The following RNF180 variants were observed in gnomAD, a reference collection of about 807,000 sequenced individuals.
The protein encoded by RNF180 is E3 ubiquitin-protein ligase RNF180.
In RNF180, 38 loss-of-function variants were observed where a neutral mutation model predicts 59.2. The observed-to-expected ratio is 0.64, with a 90% CI of 0.50 to 0.84. RNF180 has a LOEUF of 0.84. Ranked by LOEUF, RNF180 falls within the 40% of genes least tolerant of loss-of-function variation. The pLI is 0.00. For missense variants in RNF180, 705 were observed against 700.9 expected (o/e 1.01, Z -0.07); for synonymous variants, 262 against 240.3 (o/e 1.09, Z -0.84).
At chr5:64,296,255 A>T (rs1273636994) in intron 5 of RNF180, among the ~76,000 whole-genome samples, 1 of 152,102 alleles carries the variant, frequency 6.6e-6, no homozygotes, top group South Asian at 2.1e-4. Flanking sequence ...TACTTGCTCC[A>T]CTGCTTTGTT....
chr5:64,225,286 G>A (rs1741611969), intron 5 of RNF180, among the ~76,000 whole-genome samples: 1 of 152,140 alleles, frequency 6.6e-6, no homozygotes. Context: ...CTGCACATTT[G>A]GCCCGGCCGC....
intron 5 of RNF180, among the ~76,000 whole-genome samples, chr5:64,232,904 A>G (rs1478148459): frequency 1.3e-5 from 2 of 152,226 alleles, no homozygotes; most frequent in African/African-American, 2.4e-5. Context: ...TCACCAAACT[A>G]GTAAGTGATG....
intron 1 of RNF180, among the ~76,000 whole-genome samples, chr5:64,173,994 G>T (rs1031192326): frequency 6.6e-6 from 1 of 152,102 alleles, no homozygotes; most frequent in African/African-American, 2.4e-5. Context: ...GATTACAGGC[G>T]TGAGCCACCA....
chr5:64,346,805 T>A (rs1017000184), intron 7 of RNF180, among the ~76,000 whole-genome samples: 1 of 152,160 alleles, frequency 6.6e-6, no homozygotes, highest in Non-Finnish European at 1.5e-5. Context: ...ATGATAACTA[T>A]GTGCATCCAA....
intron 5 of RNF180, among the ~76,000 whole-genome samples, chr5:64,253,262 C>T (rs1463908551): frequency 1.3e-5 from 2 of 152,026 alleles, no homozygotes; most frequent in African/African-American, 4.8e-5. Flanking sequence ...TTCTTAATTC[C>T]AAAAACTAAG....
chr5:64,303,935 T>C (rs1743299137), intron 5 of RNF180, among the ~76,000 whole-genome samples: 1 of 151,652 alleles, frequency 6.6e-6, no homozygotes, highest in Non-Finnish European at 1.5e-5. Flanking sequence ...ACTCTCTTGC[T>C]AGGGGCTAAT....
intron 7 of RNF180, among the ~76,000 whole-genome samples, chr5:64,357,068 G>T (rs1036676508): frequency 6.6e-6 from 1 of 151,806 alleles, no homozygotes; most frequent in African/African-American, 2.4e-5. Flanking sequence ...ACAAAAAAAT[G>T]TGTAATGTAG....
At chr5:64,232,804 ATAT>A (rs1266424482) in intron 5 of RNF180, among the ~76,000 whole-genome samples, 2 of 152,230 alleles carry the variant, frequency 1.3e-5, no homozygotes, top group Non-Finnish European at 2.9e-5. Context: ...CCCTTTGGAT[ATAT>A]TATTCACTCA....
At chr5:64,245,749 G>C (rs189811918) in intron 5 of RNF180, among the ~76,000 whole-genome samples, 13 of 152,264 alleles carry the variant, frequency 8.5e-5, no homozygotes, top group Non-Finnish European at 1.8e-4. Flanking sequence ...CTTGAACCCA[G>C]CTCTGGACCA....
rs1314931121 is a variant in RNF180 at position 64,214,152 on chromosome 5, A to C, written c.826A>C (p.Asn276His). The C allele has an allele frequency of 8.1e-6, 13 of 1,614,174 alleles. No homozygotes were observed. Among genetic ancestry groups the C allele is most frequent in the Non-Finnish European group, 1.1e-5 (13 of 1,180,024 alleles). Residue 276 changes from asparagine (N) to histidine (H), a missense_variant, in exon 4 of 8, where the codon AAT becomes CAT. Physicochemically the swap from Asn to His is moderately conservative, Grantham distance 68 (BLOSUM62 1). Coordinates refer to ENST00000389100, the MANE Select transcript of RNF180 (RefSeq NM_001113561.2). Reference sequence around the variant, plus strand: ...AGGCTTGCCTTTACAATCTAGTAAAAATAGCTATTCCTTTCAGAATCCATC... The same window carrying C: ...AGGCTTGCCTTTACAATCTAGTAAACATAGCTATTCCTTTCAGAATCCATC... ...LSGLPLQSSKNSYSFQNPSSF... is the reference protein window; with the variant it reads ...LSGLPLQSSKHSYSFQNPSSF...
intron 7 of RNF180, among the ~76,000 whole-genome samples, chr5:64,345,874 A>G (rs770664444): frequency 5.3e-5 from 8 of 152,172 alleles, no homozygotes; most frequent in Non-Finnish European, 1.2e-4. Context: ...TTTGGAAGGA[A>G]TTTTTGTTCT....
At chr5:64,367,410 A>T (rs545866140) in intron 7 of RNF180, among the ~76,000 whole-genome samples, 12 of 151,834 alleles carry the variant, frequency 7.9e-5, no homozygotes, top group African/African-American at 2.9e-4. Flanking sequence ...CAGTAAAAAA[A>T]GTTTTTAAAT....
chr5:64,179,553 T>A (rs565031744), intron 1 of RNF180, among the ~76,000 whole-genome samples: 19 of 152,318 alleles, frequency 1.2e-4, no homozygotes, highest in African/African-American at 3.8e-4. Flanking sequence ...GCCTTTTTAC[T>A]TAAAATAACT....
intron 7 of RNF180, among the ~76,000 whole-genome samples, chr5:64,361,635 T>C (rs1337052944): frequency 2.0e-5 from 3 of 151,556 alleles, no homozygotes; most frequent in Non-Finnish European, 4.4e-5. Flanking sequence ...AAATGAACTA[T>C]AGCATAGTTA....
intron 5 of RNF180, among the ~76,000 whole-genome samples, chr5:64,306,010 A>AGTGGACATATTTT: frequency 6.6e-6 from 1 of 151,660 alleles, no homozygotes; most frequent in East Asian, 1.9e-4. Context: ...ATATCAATGG[A>AGTGGACATATTTT]GTGGACATAT....
Position 64,363,935 on chromosome 5 carries a change from T to TTCTA in RNF180, c.1580-5676_1580-5673dup, listed in dbSNP as rs1171518559. Among the ~76,000 whole-genome samples the TTCTA allele has an allele frequency of 2.6e-5, 4 of 151,852 alleles. No individual in the cohort carries two copies. In the Admixed American group the frequency reaches 2.6e-4, roughly 10 times the overall value. On this transcript the variant is annotated intron_variant, in intron 7 of 7. Coordinates refer to ENST00000389100, the MANE Select transcript of RNF180 (RefSeq NM_001113561.2). ...TGCTAGTGAGTTTTGCATATTGAGT[T>TTCTA]TCTATCTTGAGAATCTGCTGAATTT... is the stretch of plus-strand genomic sequence containing the variant.
intron 5 of RNF180, among the ~76,000 whole-genome samples, chr5:64,287,692 CAT>C (rs1484495470): frequency 6.6e-6 from 1 of 152,038 alleles, no homozygotes; most frequent in Non-Finnish European, 1.5e-5. Context: ...AGCTTTTTTT[CAT>C]ATGTTTGTTG....
At chr5:64,221,953 T>G (rs1339899580) in intron 5 of RNF180, among the ~76,000 whole-genome samples, 1 of 152,206 alleles carries the variant, frequency 6.6e-6, no homozygotes, top group Non-Finnish European at 1.5e-5. Flanking sequence ...GTATTTATAC[T>G]GTATTCAGAT....
intron 7 of RNF180, among the ~76,000 whole-genome samples, chr5:64,363,755 A>T (rs2112610473): frequency 6.6e-6 from 1 of 151,792 alleles, no homozygotes; most frequent in Admixed American, 6.6e-5. Flanking sequence ...ATCATCCCTG[A>T]TTTCTTTGAG....
Sources: allele counts gnomAD v4.1 joint callset (sites outside exome capture counted in the v4.1 genomes callset), GRCh38; gene constraint gnomAD v4.1.1; transcripts MANE v1.5; gene names NCBI Gene and HGNC (gene_info 2026-07-23, HGNC 2026-07-21).